Variants in ERBB4 observed in about 807,000 individuals in gnomAD.
ERBB4 encodes the protein erb-b2 receptor tyrosine kinase 4.
A neutral mutation model predicts 158.0 loss-of-function variants in ERBB4; 42 were observed. The ratio of observed to expected loss-of-function variants is 0.27; its 90% CI spans 0.21 to 0.34. ERBB4 has a LOEUF of 0.34. Ranked by LOEUF, ERBB4 falls within the 10% of genes least tolerant of loss-of-function variation. The probability of loss-of-function intolerance (pLI) is 1.00; values close to 1 mark genes in which losing one functional copy is unlikely to be tolerated. For missense variants in ERBB4, 1,333 were observed against 1,624.1 expected, an observed-to-expected ratio of 0.82 and a Z score of 3.08; for synonymous variants, 583 against 558.7, an observed-to-expected ratio of 1.04 and a Z score of -0.61.
chr2:212,424,946 C>T (rs912616834), intron 1 of ERBB4, among the ~76,000 whole-genome samples: 1 of 151,904 alleles, frequency 6.6e-6, no homozygotes, highest in Non-Finnish European at 1.5e-5. Context: ...TTTAGTTATA[C>T]ATAAAGAAAA....
intron 2 of ERBB4, among the ~76,000 whole-genome samples, chr2:212,077,814 C>G (rs1204707085): frequency 6.6e-6 from 1 of 152,022 alleles, no homozygotes; most frequent in Non-Finnish European, 1.5e-5. Flanking sequence ...TACTTTAGAC[C>G]TGCCTTCTCC....
intron 1 of ERBB4, among the ~76,000 whole-genome samples, chr2:212,280,715 G>T (rs2085725356): frequency 6.6e-6 from 1 of 151,502 alleles, no homozygotes; most frequent in South Asian, 2.1e-4. Context: ...TGAAATCATT[G>T]GCAGAAAGAA....
intron 3 of ERBB4, among the ~76,000 whole-genome samples, chr2:211,861,350 G>GTTTTTTTTTTTTTTTTTTTTTTTT (rs67133944): frequency 3.4e-5 from 3 of 88,952 alleles, no homozygotes; most frequent in Non-Finnish European, 6.4e-5. Context: ...TTTTTTTTTT[G>GTTTTTTTTTTTTTTTTTTTTTTTT]TTTTTTTTTT....
At chr2:212,066,616 T>C (rs534613769) in intron 2 of ERBB4, among the ~76,000 whole-genome samples, 33 of 152,178 alleles carry the variant, frequency 2.2e-4, no homozygotes, top group Admixed American at 7.2e-4. Flanking sequence ...TCCATCATAA[T>C]TGTGGTTATT....
At chr2:211,631,086 C>A (rs867388399) in intron 16 of ERBB4, among the ~76,000 whole-genome samples, 1 of 152,104 alleles carries the variant, frequency 6.6e-6, no homozygotes, top group South Asian at 2.1e-4. Context: ...GCGAAGTGTC[C>A]TGTGCATTTT....
At chr2:212,324,669 G>A (rs1306356333) in intron 1 of ERBB4, among the ~76,000 whole-genome samples, 2 of 150,046 alleles carry the variant, frequency 1.3e-5, no homozygotes, top group African/African-American at 4.9e-5. Flanking sequence ...TAGATTTTTG[G>A]TTCTAATTCT....
At chr2:211,569,076 C>A (rs1489050942) in intron 19 of ERBB4, among the ~76,000 whole-genome samples, 1 of 152,108 alleles carries the variant, frequency 6.6e-6, no homozygotes, top group Non-Finnish European at 1.5e-5. Context: ...CCTTCCAATC[C>A]TTGGTATCAT....
At chr2:212,468,674 T>G (rs1365449252) in intron 1 of ERBB4, among the ~76,000 whole-genome samples, 1 of 152,186 alleles carries the variant, frequency 6.6e-6, no homozygotes, top group Admixed American at 6.5e-5. Flanking sequence ...AAGGCTGACT[T>G]CAGGACCTGG....
chr2:211,761,505 A>G (rs2075413123), intron 4 of ERBB4, among the ~76,000 whole-genome samples: 1 of 152,136 alleles, frequency 6.6e-6, no homozygotes, highest in South Asian at 2.1e-4. Context: ...GAGCCAGAGA[A>G]TTGTCCCTCT....
intron 3 of ERBB4, among the ~76,000 whole-genome samples, chr2:211,857,002 A>G (rs1177531743): frequency 6.6e-6 from 1 of 152,128 alleles, no homozygotes; most frequent in East Asian, 1.9e-4. Context: ...TATTATATGT[A>G]ATATAATTGT....
chr2:211,441,950 C>T (rs1344889225), intron 20 of ERBB4, among the ~76,000 whole-genome samples: 1 of 152,118 alleles, frequency 6.6e-6, no homozygotes, highest in African/African-American at 2.4e-5. Flanking sequence ...TTTCTCTTTG[C>T]TTAAGTCTTC....
At chr2:211,633,187 C>T (rs2070211116) in intron 16 of ERBB4, among the ~76,000 whole-genome samples, 1 of 152,014 alleles carries the variant, frequency 6.6e-6, no homozygotes, top group African/African-American at 2.4e-5. Flanking sequence ...GCATTAGATC[C>T]TAGTTTGGAC....
rs182263773 is a variant in ERBB4, at chr2:212,170,037, T to C, written c.83-45134A>G. Among the ~76,000 whole-genome samples, 15 of 152,180 alleles carry C rather than the reference T, an allele frequency of 9.9e-5. No homozygotes were observed. In the East Asian group the frequency reaches 2.9e-3, roughly 29 times the overall value. ...GTACTGCTATAAAGATACCAAAAAA[T>C]GTGGAAGTGACTTTGGAACTGGGTA... On this transcript the variant is annotated intron_variant, in intron 1 of 27. Transcript: ENST00000342788.
intron 3 of ERBB4, among the ~76,000 whole-genome samples, chr2:211,836,374 C>G (rs558337857): frequency 6.6e-6 from 1 of 152,210 alleles, no homozygotes; most frequent in South Asian, 2.1e-4. Flanking sequence ...CTTATACCCA[C>G]TTCCTCCCAT....
At chr2:211,709,371 T>G (rs972605578) in intron 9 of ERBB4, among the ~76,000 whole-genome samples, 2 of 151,058 alleles carry the variant, frequency 1.3e-5, no homozygotes, top group Non-Finnish European at 2.9e-5. Flanking sequence ...TTATGTTCTA[T>G]GATGAACCAA....
chr2:212,212,876 C>G (rs535486402), intron 1 of ERBB4, among the ~76,000 whole-genome samples: 1 of 151,730 alleles, frequency 6.6e-6, no homozygotes, highest in Non-Finnish European at 1.5e-5. Context: ...TACAGAAAAC[C>G]GAAACTGGAC....
Position 211,447,487 on chromosome 2 carries a change from C to T in ERBB4, c.2488-16387G>A, listed in dbSNP as rs138862461. ...ATGGGGTGGAGTTTCTTTTCTACAT[C>T]AATATTCTAGTAGAAATGCCATATT... On this transcript the variant is annotated intron_variant, in intron 20 of 27. Coordinates refer to ENST00000342788, the MANE Select transcript of ERBB4 (RefSeq NM_005235.3). Among the ~76,000 whole-genome samples the T allele has an allele frequency of 3.2e-3, 494 of 152,192 alleles. 5 individuals are homozygous for T. The highest frequency in any genetic ancestry group is 0.011 in the African/African-American group (465 of 41,550).
intron 3 of ERBB4, among the ~76,000 whole-genome samples, chr2:211,920,996 A>T (rs1473444671): frequency 6.6e-6 from 1 of 152,000 alleles, no homozygotes; most frequent in Non-Finnish European, 1.5e-5. Context: ...TTTAAGCACA[A>T]ATATATATAA....
chr2:212,259,635 TAA>T (rs1191881572), intron 1 of ERBB4, among the ~76,000 whole-genome samples: 1 of 152,140 alleles, frequency 6.6e-6, no homozygotes, highest in Non-Finnish European at 1.5e-5. Flanking sequence ...CACACAAAAA[TAA>T]AGGCAACGAA....
Sources: allele counts gnomAD v4.1 joint callset (sites outside exome capture counted in the v4.1 genomes callset), GRCh38; gene constraint gnomAD v4.1.1; transcripts MANE v1.5; gene names NCBI Gene and HGNC (gene_info 2026-07-23, HGNC 2026-07-21).